Variants in SGK3 observed in about 807,000 individuals in gnomAD.
SGK3 encodes the protein serine/threonine-protein kinase Sgk3.
In SGK3, 47 loss-of-function variants were observed where a neutral mutation model predicts 68.5. That is an observed-to-expected ratio of 0.69 (90% CI 0.54 to 0.87). SGK3 has a LOEUF of 0.87. Among genes scored for constraint, SGK3 ranks in the 40% least tolerant of loss-of-function variants. SGK3 has a pLI of 0.00. For synonymous variants in SGK3, 181 were observed against 189.1 expected (o/e 0.96, Z 0.35); for missense variants, 479 against 575.5 (o/e 0.83, Z 1.72).
intron 5 of SGK3, among the ~76,000 whole-genome samples, chr8:66,820,493 T>G (rs1160837388): frequency 1.3e-5 from 2 of 152,194 alleles, no homozygotes; most frequent in African/African-American, 2.4e-5. Flanking sequence ...TTGGCTATTA[T>G]GAATAATGCT....
intron 4 of SGK3, among the ~76,000 whole-genome samples, chr8:66,806,343 T>C (rs184152022): frequency 6.6e-6 from 1 of 152,330 alleles, no homozygotes; most frequent in Admixed American, 6.5e-5. Flanking sequence ...GGTATTATTT[T>C]ATTACTTTAA....
chr8:66,831,427 A>G, intron 8 of SGK3, 116 bp downstream of exon 8: 1 of 1,245,176 alleles, frequency 8.0e-7, no homozygotes, highest in Non-Finnish European at 1.1e-6. Flanking sequence ...GCACACTTGA[A>G]CTCCTGGGCT....
intron 1 of SGK3, among the ~76,000 whole-genome samples, chr8:66,736,945 T>A (rs566096055): frequency 6.6e-5 from 10 of 151,940 alleles, no homozygotes; most frequent in South Asian, 4.2e-4. Flanking sequence ...AAAAAATTTT[T>A]AAAAAAATAT....
chr8:66,800,808 C>G (rs1436014503), intron 3 of SGK3, among the ~76,000 whole-genome samples: 1 of 152,088 alleles, frequency 6.6e-6, no homozygotes, highest in Non-Finnish European at 1.5e-5. Flanking sequence ...GAGACTCCAT[C>G]TCTACAAAAA....
chr8:66,822,140 T>C lies in SGK3; in HGVS notation c.330-232T>C, dbSNP rs1312174503. Among the ~76,000 whole-genome samples the C allele has an allele frequency of 2.6e-5, 4 of 152,252 alleles. No homozygotes were observed. In the East Asian group the frequency reaches 5.8e-4, roughly 22 times the overall value. ...CACAAATTTGCTGCCATTTGGGTTT[T>C]CTTTTCCATGAACTGCCTGTTTATA... On this transcript the variant is annotated intron_variant, in intron 5 of 16. Transcript: ENST00000521198.
chr8:66,842,650 A>G (rs1236814759), intron 13 of SGK3, among the ~76,000 whole-genome samples: 1 of 152,226 alleles, frequency 6.6e-6, no homozygotes, highest in Non-Finnish European at 1.5e-5. Context: ...TAAAATGTAA[A>G]TAGACATCTA....
chr8:66,734,423 T>TAAATTTTCTTTCCACTTCTATTA (rs1805259183), intron 1 of SGK3, among the ~76,000 whole-genome samples: 1 of 152,140 alleles, frequency 6.6e-6, no homozygotes, highest in African/African-American at 2.4e-5. Flanking sequence ...AAAACCAAAA[T>TAAATTTTCTTTCCACTTCTATTA]AAATTTTCTT....
chr8:66,789,985 A>T (rs1051305024), intron 1 of SGK3, among the ~76,000 whole-genome samples: 28 of 152,044 alleles, frequency 1.8e-4, no homozygotes, highest in Non-Finnish European at 7.4e-5. Flanking sequence ...GGCTGAGGTG[A>T]GAGGATTGCT....
intron 8 of SGK3, among the ~76,000 whole-genome samples, chr8:66,833,026 G>A (rs1254535380): frequency 2.0e-5 from 3 of 149,988 alleles, no homozygotes; most frequent in Non-Finnish European, 4.4e-5. Flanking sequence ...TGAAGACAGA[G>A]CCTCACTCTG....
At chr8:66,858,646 CA>C (rs563072732) in intron 16 of SGK3, among the ~76,000 whole-genome samples, 38 of 152,168 alleles carry the variant, frequency 2.5e-4, no homozygotes, top group Middle Eastern at 3.4e-3. Context: ...TCTCCTCCCC[CA>C]ACTCAAAAAG....
chr8:66,832,375 TG>T (rs1371101692), intron 8 of SGK3, among the ~76,000 whole-genome samples: 8 of 152,230 alleles, frequency 5.3e-5, no homozygotes, highest in Admixed American at 1.3e-4. Context: ...TTGCTATATT[TG>T]TAGCTTTTGG....
intron 10 of SGK3, 57 bp downstream of exon 10, chr8:66,836,131 A>G: frequency 6.4e-7 from 1 of 1,560,534 alleles, no homozygotes; most frequent in South Asian, 1.2e-5. Flanking sequence ...GCATAAAGTC[A>G]AAGTTTTTCT....
intron 1 of SGK3, among the ~76,000 whole-genome samples, chr8:66,733,548 T>G (rs1255023024): frequency 6.6e-6 from 1 of 152,186 alleles, no homozygotes; most frequent in Non-Finnish European, 1.5e-5. Flanking sequence ...GATAAATAAA[T>G]GTTGGCTGAT....
At chr8:66,844,183 A>C (rs1809916307) in intron 14 of SGK3, among the ~76,000 whole-genome samples, 2 of 152,138 alleles carry the variant, frequency 1.3e-5, no homozygotes, top group Admixed American at 1.3e-4. Context: ...ATATCACTCT[A>C]ATTTTAAGAT....
At chr8:66,853,631 T>C (rs1382582679) in intron 16 of SGK3, among the ~76,000 whole-genome samples, 1 of 152,214 alleles carries the variant, frequency 6.6e-6, no homozygotes, top group African/African-American at 2.4e-5. Flanking sequence ...TGTGTCCAAC[T>C]AGTCTACATT....
intron 1 of SGK3, among the ~76,000 whole-genome samples, chr8:66,723,534 C>G (rs559676100): frequency 1.3e-5 from 2 of 152,222 alleles, no homozygotes; most frequent in South Asian, 4.1e-4. Context: ...GCCTCAACCT[C>G]CCAGGCTCAA....
rs1376906953 is a variant in SGK3 at position 66,839,819 on chromosome 8, A to C, written c.742-184A>C. 3 of 548,546 alleles carry C rather than the reference A, an allele frequency of 5.5e-6. No homozygotes were observed. The East Asian group carries it at 9.3e-5, about 17-fold the overall frequency. The allele number at this position is 548,546 out of a possible 1,614,324, so 34.0% of individuals were successfully genotyped here. ...GACACGTGGTTGAAGAGAGAGAATG[A>C]TTGTTAGGTGGGGACATGGATGAAG... On this transcript the variant is annotated intron_variant, in intron 10 of 16. Coordinates refer to ENST00000521198, the MANE Select transcript of SGK3 (RefSeq NM_001033578.3).
intron 16 of SGK3, among the ~76,000 whole-genome samples, chr8:66,853,393 A>T (rs1810373000): frequency 2.0e-5 from 3 of 152,228 alleles, no homozygotes; most frequent in Admixed American, 2.0e-4. Context: ...TGGGAAAAAC[A>T]GTTGACAGAA....
intron 1 of SGK3, among the ~76,000 whole-genome samples, chr8:66,770,152 C>T (rs976007157): frequency 1.3e-5 from 2 of 151,728 alleles, no homozygotes; most frequent in African/African-American, 4.8e-5. Context: ...GATGGAGTTT[C>T]CCCGTGTTTG....
Sources: gnomAD v4.1 joint callset for allele counts (sites outside exome capture counted in the v4.1 genomes callset) on GRCh38, gnomAD v4.1.1 for gene constraint, MANE v1.5 for transcripts, NCBI Gene and HGNC (gene_info 2026-07-23, HGNC 2026-07-21) for gene names.